Variants in COL4A1 observed in about 807,000 individuals in gnomAD.
COL4A1 encodes the protein collagen alpha-1(IV) chain.
In COL4A1, 40 loss-of-function variants were observed where a neutral mutation model predicts 216.6. The ratio of observed to expected loss-of-function variants is 0.18; its 90% CI spans 0.14 to 0.24. The LOEUF (loss-of-function observed/expected upper bound fraction) is 0.24. Among genes scored for constraint, COL4A1 ranks in the 10% least tolerant of loss-of-function variants. The pLI is 1.00. For synonymous variants in COL4A1, 839 were observed against 810.7 expected, an observed-to-expected ratio of 1.03 and a Z score of -0.59; for missense variants, 1,628 against 2,196.8, an observed-to-expected ratio of 0.74 and a Z score of 5.18.
chr13:110,199,951 C>T (rs1238700084), intron 20 of COL4A1, among the ~76,000 whole-genome samples: 2 of 152,094 alleles, frequency 1.3e-5, no homozygotes, highest in Admixed American at 6.5e-5. Context: ...TGGACGAAGG[C>T]CCTGCCCTGA....
chr13:110,257,930 C>T (rs1457660548), intron 1 of COL4A1, among the ~76,000 whole-genome samples: 3 of 152,182 alleles, frequency 2.0e-5, no homozygotes, highest in Non-Finnish European at 4.4e-5. Flanking sequence ...ATAAGAAATA[C>T]ATAAAATATG....
intron 1 of COL4A1, among the ~76,000 whole-genome samples, chr13:110,302,061 G>A (rs893756346): frequency 6.6e-6 from 1 of 152,306 alleles, no homozygotes; most frequent in Admixed American, 6.5e-5. Flanking sequence ...CCTGGCACAA[G>A]GCAAAGAGAG....
intron 43 of COL4A1, among the ~76,000 whole-genome samples, chr13:110,168,317 G>T (rs1254557974): frequency 6.6e-6 from 1 of 152,198 alleles, no homozygotes; most frequent in Non-Finnish European, 1.5e-5. Context: ...GCCCAGCCGG[G>T]AATGGGGTAT....
At chr13:110,234,610 C>T (rs1008906840) in intron 2 of COL4A1, among the ~76,000 whole-genome samples, 3 of 151,914 alleles carry the variant, frequency 2.0e-5, no homozygotes, top group Non-Finnish European at 4.4e-5. Flanking sequence ...AACAGGGGGG[C>T]GTTCAAATAA....
rs1877272480 is a variant in COL4A1 at position 110,165,028 on chromosome 13, C to T, written c.4022-38G>A. The T allele has an allele frequency of 2.5e-6, 4 of 1,591,780 alleles. No homozygotes were observed. The South Asian group carries it at 3.4e-5, about 14-fold the overall frequency. On this transcript the variant is annotated intron_variant, in intron 45 of 51. Transcript: ENST00000375820. ...GGAAGGCATTGATCAATTTCACTGT[C>T]CACATACTGGGGCGGAAACAACTTT... is the stretch of plus-strand genomic sequence containing the variant.
chr13:110,234,443 G>C (rs9670927), intron 2 of COL4A1, among the ~76,000 whole-genome samples: 1 of 151,898 alleles, frequency 6.6e-6, no homozygotes, highest in Admixed American at 6.6e-5. Flanking sequence ...TTAGCCAGGT[G>C]GGGGGGTACA....
rs2138427833 is a variant in COL4A1, at chr13:110,161,345, T to A, written c.4487A>T (p.Lys1496Met). Residue 1496 changes from lysine (K) to methionine (M), a missense_variant, in exon 49 of 52, where the codon AAG becomes ATG. Lys to Met is a moderately conservative substitution (Grantham distance 95, BLOSUM62 -1). Transcript: ENST00000375820. The stretch of plus-strand genomic sequence containing the variant: ...GAACAGGAAGGGCATTGTGCTGAAC[T>A]TGCGCAGGCAGCTGCCGGCCGTGCC... Reference protein sequence around the residue: ...DLGTAGSCLRKFSTMPFLFCN... With the variant: ...DLGTAGSCLRMFSTMPFLFCN... 6.2e-7 allele frequency: 1 copy of A among 1,613,746 alleles called. No homozygotes were observed.
In COL4A1 at chr13:110,211,940, C is replaced by T. The variant is rs1363697481; in HGVS notation, c.388-18G>A. On this transcript the variant is annotated intron_variant, in intron 6 of 51. Coordinates refer to ENST00000375820, the MANE Select transcript of COL4A1 (RefSeq NM_001845.6). This position sits in a 1 kb window ranked among gnomAD's most constrained non-coding sequence, Gnocchi z 4.3. ...CTCTCCCCCTGGGGAGACAGCAGAG[C>T]ATCATTCATACGCACTGTGTGTGGC... The T allele has an allele frequency of 1.9e-6, 3 of 1,613,706 alleles. No individual in the cohort carries two copies. Among genetic ancestry groups the T allele is most frequent in the Non-Finnish European group, 2.5e-6 (3 of 1,179,724 alleles).
intron 1 of COL4A1, among the ~76,000 whole-genome samples, chr13:110,262,787 C>G (rs554181385): frequency 2.6e-5 from 4 of 152,216 alleles, no homozygotes; most frequent in Non-Finnish European, 5.9e-5. Context: ...TGCTTCACTT[C>G]GATGTGTTCC....
At position 110,194,843 on chromosome 13, in the gene COL4A1, T is replaced by C. The variant is rs2241966; in HGVS notation, c.1381+180A>G. On this transcript the variant is annotated intron_variant, in intron 22 of 51. Transcript: ENST00000375820. Reference sequence around the variant, plus strand: ...GCTGTCTCCACCTTTCCCACCCAGATCATCAACTAAGTTCCGGAAGATGCT... The same window carrying C: ...GCTGTCTCCACCTTTCCCACCCAGACCATCAACTAAGTTCCGGAAGATGCT... Among the ~76,000 whole-genome samples, 52,611 of 151,950 alleles carry C rather than the reference T, an allele frequency of 0.35. 9,620 individuals carry two copies. The highest frequency in any genetic ancestry group is 0.42 in the Admixed American group (6,367 of 15,276).
intron 25 of COL4A1, 56 bp downstream of exon 25, chr13:110,187,082 A>G: frequency 6.3e-7 from 1 of 1,592,964 alleles, no homozygotes; most frequent in Non-Finnish European, 8.6e-7. Flanking sequence ...TCATTTCTCA[A>G]TGCTTTGCAG....
intron 1 of COL4A1, among the ~76,000 whole-genome samples, chr13:110,253,019 CGTAT>C (rs1326050427): frequency 1.6e-5 from 1 of 62,390 alleles, no homozygotes; most frequent in African/African-American, 5.3e-5. Context: ...ACTATAAGTA[CGTAT>C]GTATTACATA....
At chr13:110,174,873 G>T (rs971564147) in intron 37 of COL4A1, 124 bp from the exon 38 acceptor site, 5 of 1,019,794 alleles carry the variant, frequency 4.9e-6, no homozygotes, top group South Asian at 1.3e-5. Flanking sequence ...TCCATTTCCA[G>T]ATTTCTCATC....
Position 110,178,170 on chromosome 13 carries a change from G to A in COL4A1, c.2520C>T (p.Gly840=), listed in dbSNP as rs1473619535. Residue 840 remains glycine (G), a synonymous_variant, in exon 32 of 52, where the codon GGC becomes GGT. Transcript: ENST00000375820. ...FPGFPGLDMP[G]PKGDKGAQGL... The stretch of plus-strand genomic sequence containing the variant: ...CTTGAGCCCCTTTATCTCCTTTAGG[G>A]CCCGGCATGTCCAGTCCAGGGAATC... 1.9e-6 allele frequency: 3 copies of A among 1,614,138 alleles called. No individual in the cohort carries two copies. The highest frequency in any genetic ancestry group is 1.1e-5 in the South Asian group (1 of 91,084).
At chr13:110,252,499 GTA>G (rs374456416) in intron 1 of COL4A1, among the ~76,000 whole-genome samples, 8 of 6,898 alleles carry the variant, frequency 1.2e-3, no homozygotes, top group Non-Finnish European at 2.5e-3. Flanking sequence ...ATAATTATAC[GTA>G]TATATGTATT....
intron 1 of COL4A1, among the ~76,000 whole-genome samples, chr13:110,289,993 A>T (rs1884020317): frequency 1.3e-5 from 2 of 152,180 alleles, no homozygotes; most frequent in African/African-American, 4.8e-5. Context: ...TGCTTCTGAA[A>T]AGGGGCGTGA....
At chr13:110,188,967 A>G (rs977928385) in intron 24 of COL4A1, among the ~76,000 whole-genome samples, 2 of 150,692 alleles carry the variant, frequency 1.3e-5, no homozygotes, top group African/African-American at 4.8e-5. Context: ...GCACTGTTCA[A>G]TATGACTTGG....
intron 1 of COL4A1, among the ~76,000 whole-genome samples, chr13:110,306,223 G>C (rs936137151): frequency 6.6e-6 from 1 of 152,182 alleles, no homozygotes; most frequent in African/African-American, 2.4e-5. Flanking sequence ...AACAATTTGT[G>C]CATGGAACAA....
At chr13:110,201,317 G>C in intron 19 of COL4A1, 121 bp downstream of exon 19, 1 of 661,120 alleles carries the variant, frequency 1.5e-6, no homozygotes, top group Non-Finnish European at 2.6e-6. Flanking sequence ...AAGAGAAGGA[G>C]GGGGAGGAGG....
Sources: allele counts gnomAD v4.1 joint callset (sites outside exome capture counted in the v4.1 genomes callset), GRCh38; gene constraint gnomAD v4.1.1; non-coding constraint Gnocchi (gnomAD v3.1); transcripts MANE v1.5; gene names NCBI Gene and HGNC (gene_info 2026-07-23, HGNC 2026-07-21).